Variants in CNTNAP2 observed in about 807,000 individuals in gnomAD.
The protein encoded by CNTNAP2 is contactin-associated protein-like 2.
In CNTNAP2, 98 loss-of-function variants were observed where a neutral mutation model predicts 155.2. The observed-to-expected ratio is 0.63, with a 90% confidence interval of 0.54 to 0.75. CNTNAP2 has a LOEUF of 0.75. Ranked by LOEUF, CNTNAP2 falls within the 30% of genes least tolerant of loss-of-function variation. The pLI is 0.00. For missense variants in CNTNAP2, 1,727 were observed against 1,688.1 expected, an observed-to-expected ratio of 1.02 and a Z score of -0.40; for synonymous variants, 651 against 631.2, an observed-to-expected ratio of 1.03 and a Z score of -0.47.
In CNTNAP2 at chr7:147,121,272, C is replaced by T. The variant is rs576953501; in HGVS notation, c.939+109C>T. 5.6e-5 allele frequency: 60 copies of T among 1,079,032 alleles called. 1 individual carries two copies. In the Middle Eastern group the frequency reaches 8.6e-4, roughly 15 times the overall value. 66.8% of individuals were successfully genotyped at this position (1,079,032 alleles called of 1,614,324 possible). On this transcript the variant is annotated intron_variant, in intron 6 of 23. Transcript: ENST00000361727. The stretch of plus-strand genomic sequence containing the variant: ...TTACTACTTACACCTTTTTTATTTT[C>T]TTCTCTAAACAAGACACTGACAATT...
intron 1 of CNTNAP2, among the ~76,000 whole-genome samples, chr7:146,477,358 G>C (rs1415480433): frequency 2.0e-5 from 3 of 151,984 alleles, no homozygotes; most frequent in Non-Finnish European, 2.9e-5. Context: ...GATCATTCTA[G>C]TTTTATTATT....
At chr7:146,215,163 A>T (rs571911050) in intron 1 of CNTNAP2, among the ~76,000 whole-genome samples, 220 of 152,326 alleles carry the variant, frequency 1.4e-3, no homozygotes, top group Non-Finnish European at 2.2e-3. Flanking sequence ...ACATTTTAAA[A>T]TTTTGACAGT....
chr7:147,141,814 G>A (rs1396848215), intron 8 of CNTNAP2, among the ~76,000 whole-genome samples: 5 of 152,068 alleles, frequency 3.3e-5, no homozygotes, highest in Admixed American at 6.6e-5. Context: ...TCTCACAGGA[G>A]CATTTTAAGT....
At chr7:146,873,130 G>C (rs1795348015) in intron 3 of CNTNAP2, among the ~76,000 whole-genome samples, 1 of 152,088 alleles carries the variant, frequency 6.6e-6, no homozygotes, top group African/African-American at 2.4e-5. Flanking sequence ...TCAATGCATT[G>C]GGTGGATTTA....
intron 8 of CNTNAP2, among the ~76,000 whole-genome samples, chr7:147,224,732 T>C (rs1474324047): frequency 1.3e-5 from 2 of 152,152 alleles, no homozygotes; most frequent in Admixed American, 1.3e-4. Flanking sequence ...ATGAATGAGT[T>C]TGAATTTGCA....
rs560827236 is a variant in CNTNAP2, at chr7:148,220,887, G to C, written c.3247+3363G>C. ...ACCCACTGATGTTCACTACCCACAT[G>C]GACCAGCCTCCCACTGGGCAGATAA... On this transcript the variant is annotated intron_variant, in intron 19 of 23. Transcript: ENST00000361727. 2.2e-3 allele frequency among the ~76,000 whole-genome samples: 340 copies of C among 152,248 alleles called. 3 individuals are homozygous for C. Among genetic ancestry groups the C allele is most frequent in the Middle Eastern group, 0.014 (4 of 294 alleles).
chr7:147,367,990 C>T (rs1279611393), intron 9 of CNTNAP2, among the ~76,000 whole-genome samples: 1 of 145,124 alleles, frequency 6.9e-6, no homozygotes, highest in Non-Finnish European at 1.5e-5. Flanking sequence ...CTTTCTTTCT[C>T]TCTCTCTCTC....
At chr7:147,482,675 C>A (rs987802555) in intron 10 of CNTNAP2, among the ~76,000 whole-genome samples, 7 of 146,692 alleles carry the variant, frequency 4.8e-5, no homozygotes, top group African/African-American at 1.5e-4. Context: ...GAGCCGAGAT[C>A]GCGCCACTGC....
intron 1 of CNTNAP2, among the ~76,000 whole-genome samples, chr7:146,666,484 T>C (rs1265528432): frequency 1.3e-5 from 2 of 152,198 alleles, no homozygotes; most frequent in South Asian, 2.1e-4. Context: ...CTTTTTGATA[T>C]ACTCATTTCA....
intron 1 of CNTNAP2, among the ~76,000 whole-genome samples, chr7:146,172,106 TG>T (rs1254574561): frequency 6.6e-5 from 10 of 151,432 alleles, no homozygotes; most frequent in Non-Finnish European, 1.2e-4. Flanking sequence ...TTCTTTTTTT[TG>T]TTACCAGTTC....
chr7:146,831,144 T>C (rs572988100), intron 2 of CNTNAP2, among the ~76,000 whole-genome samples: 1 of 152,298 alleles, frequency 6.6e-6, no homozygotes, highest in East Asian at 1.9e-4. Context: ...CCAGACCCCA[T>C]TCATCTTTTT....
At chr7:147,458,451 C>CT (rs1797960469) in intron 10 of CNTNAP2, among the ~76,000 whole-genome samples, 1 of 152,128 alleles carries the variant, frequency 6.6e-6, no homozygotes, top group African/African-American at 2.4e-5. Context: ...TTCTCTCTAA[C>CT]TTATGAACTT....
intron 4 of CNTNAP2, among the ~76,000 whole-genome samples, chr7:147,078,754 A>G (rs1235055638): frequency 1.4e-5 from 2 of 145,510 alleles, no homozygotes; most frequent in Non-Finnish European, 3.0e-5. Flanking sequence ...GTCTCATTTA[A>G]TTTTTTTTTT....
chr7:147,242,987 ATTTTTTTTTTTTTTTTT>A (rs766917054), intron 8 of CNTNAP2, among the ~76,000 whole-genome samples: 6 of 47,166 alleles, frequency 1.3e-4, no homozygotes, highest in African/African-American at 5.1e-4. Flanking sequence ...TATGCTTTGC[ATTTTTTTTTTTTTTTTT>A]TTTTTTTTTT....
chr7:146,217,833 GTCAAA>G (rs1799137951), intron 1 of CNTNAP2, among the ~76,000 whole-genome samples: 1 of 152,094 alleles, frequency 6.6e-6, no homozygotes, highest in Non-Finnish European at 1.5e-5. Context: ...ATATGCATTT[GTCAAA>G]ACATATTCGG....
intron 13 of CNTNAP2, among the ~76,000 whole-genome samples, chr7:147,661,877 T>A (rs1361634488): frequency 6.6e-6 from 1 of 152,152 alleles, no homozygotes; most frequent in African/African-American, 2.4e-5. Context: ...AAGTACTAGC[T>A]ATTCTACAGC....
chr7:147,022,819 CTCT>C (rs1208530748), intron 3 of CNTNAP2, among the ~76,000 whole-genome samples: 8 of 152,092 alleles, frequency 5.3e-5, no homozygotes, highest in African/African-American at 1.9e-4. Flanking sequence ...AAACATGGGA[CTCT>C]TCTTGGGAGA....
chr7:147,612,574 T>C (rs929369958), intron 12 of CNTNAP2, among the ~76,000 whole-genome samples: 2 of 152,122 alleles, frequency 1.3e-5, no homozygotes, highest in East Asian at 3.9e-4. Context: ...CTAATTTTTG[T>C]ATTTTTAGTA....
chr7:147,038,438 A>C (rs1799199366), intron 3 of CNTNAP2, among the ~76,000 whole-genome samples: 1 of 152,214 alleles, frequency 6.6e-6, no homozygotes, highest in African/African-American at 2.4e-5. Flanking sequence ...CAAATAAGGA[A>C]ACAGATCAAA....
Sources: allele counts gnomAD v4.1 joint callset (sites outside exome capture counted in the v4.1 genomes callset), GRCh38; gene constraint gnomAD v4.1.1; transcripts MANE v1.5; gene names NCBI Gene and HGNC (gene_info 2026-07-23, HGNC 2026-07-21).